DAPK2: variants seen among roughly 807,000 people sequenced by gnomAD.
The protein encoded by DAPK2 is death associated protein kinase 2.
DAPK2 carries 35 observed loss-of-function variants against 44.1 expected under a neutral mutation model. The ratio of observed to expected loss-of-function variants is 0.79; its 90% CI spans 0.61 to 1.05. DAPK2 has a LOEUF of 1.05. Among genes scored for constraint, DAPK2 ranks in the 50% least tolerant of loss-of-function variants. The pLI, the probability that DAPK2 is intolerant of heterozygous loss-of-function variation, is 0.00. For synonymous variants in DAPK2, 174 were observed against 182.6 expected (o/e 0.95, Z 0.38); for missense variants, 453 against 483.2 (o/e 0.94, Z 0.59).
intron 3 of DAPK2, among the ~76,000 whole-genome samples, chr15:63,961,419 TG>T (rs772382013): frequency 1.3e-5 from 2 of 152,260 alleles, no homozygotes; most frequent in Non-Finnish European, 2.9e-5. Flanking sequence ...CATTAGTTGA[TG>T]CAGTTTCTTC....
At chr15:63,925,037 G>C (rs1353806835) in intron 7 of DAPK2, among the ~76,000 whole-genome samples, 176 bp from the exon 9 acceptor site, 1 of 152,188 alleles carries the variant, frequency 6.6e-6, no homozygotes, top group Non-Finnish European at 1.5e-5. Flanking sequence ...TGCACTCCAG[G>C]GGAAGGAAGC....
At chr15:63,955,404 A>G (rs1457043572) in intron 3 of DAPK2, among the ~76,000 whole-genome samples, 3 of 152,136 alleles carry the variant, frequency 2.0e-5, no homozygotes, top group Admixed American at 6.5e-5. Flanking sequence ...CTCTGTTGGT[A>G]TAATGCATCA....
At chr15:63,946,051 G>A (rs1037763871) in intron 3 of DAPK2, among the ~76,000 whole-genome samples, 6 of 152,220 alleles carry the variant, frequency 3.9e-5, no homozygotes, top group African/African-American at 1.2e-4. Context: ...TCCAAAGCAC[G>A]GCTGGAGGGA....
rs996000313 is a variant in DAPK2 at position 63,908,491 on chromosome 15, T to A, written c.*29A>T. The A allele has an allele frequency of 6.6e-7, 1 of 1,519,022 alleles. No homozygotes were observed. Among genetic ancestry groups the A allele is most frequent in the African/African-American group, 1.4e-5 (1 of 72,480 alleles). 94.1% of individuals were successfully genotyped at this position (1,519,022 alleles called of 1,614,324 possible). A position where few individuals can be genotyped will look rare whatever the true frequency, so the allele number is the denominator to read the frequency against. ...AAGGGAGCCCCGCTGGGCCCAGACCTCCCTGGCGGCCACTGCAGGTCAGGC... is the reference window on the plus strand; with the variant it reads ...AAGGGAGCCCCGCTGGGCCCAGACCACCCTGGCGGCCACTGCAGGTCAGGC... On this transcript the variant is annotated 3_prime_UTR_variant, in exon 11 of 11. Coordinates refer to ENST00000261891, the Ensembl canonical transcript of DAPK2. This position sits in a 1 kb window ranked among gnomAD's most constrained non-coding sequence, Gnocchi z 5.7.
rs78755832 is a variant in DAPK2, at chr15:63,946,334, G to T, written c.454-6973C>A. ...GTCTGAGCAGGATGAAGACACCCTT[G>T]GGGGGCTATGTCATAAAGTACAAAA... On this transcript the variant is annotated intron_variant, in intron 3 of 10. Transcript: ENST00000261891. Among the ~76,000 whole-genome samples the T allele has an allele frequency of 5.9e-3, 901 of 152,362 alleles. 10 individuals carry two copies. Among genetic ancestry groups the T allele is most frequent in the African/African-American group, 0.02 (838 of 41,588 alleles).
chr15:63,940,649 T>G (rs1595762151), intron 3 of DAPK2, among the ~76,000 whole-genome samples: 1 of 151,918 alleles, frequency 6.6e-6, no homozygotes, highest in South Asian at 2.1e-4. Context: ...GAGGTGGAGG[T>G]TGCAGTGAAC....
At position 63,944,989 on chromosome 15, in the gene DAPK2, GA is replaced by G. The variant is rs372351769; in HGVS notation, c.454-5629del. 1.3e-4 allele frequency among the ~76,000 whole-genome samples: 20 copies of G among 152,228 alleles called. No individual in the cohort carries two copies. The East Asian group carries it at 3.7e-3, about 28-fold the overall frequency. ...CCTGTCCTACTCCTCTTCATTTTCA[GA>G]GCCTCTTCCCCCTCAACCCTGCCTC... On this transcript the variant is annotated intron_variant, in intron 3 of 10. Transcript: ENST00000261891.
chr15:64,031,140 T>C (rs1440179900), intron 1 of DAPK2, among the ~76,000 whole-genome samples: 7 of 152,160 alleles, frequency 4.6e-5, no homozygotes, highest in Non-Finnish European at 7.4e-5. Context: ...CTGAGCCTCA[T>C]TGTCCTCACC....
At chr15:63,998,916 C>A (rs1386916087) in intron 1 of DAPK2, among the ~76,000 whole-genome samples, 1 of 152,204 alleles carries the variant, frequency 6.6e-6, no homozygotes, top group Admixed American at 6.5e-5. Context: ...CACGGAAGAA[C>A]CACCAAATAT....
intron 1 of DAPK2, among the ~76,000 whole-genome samples, chr15:63,986,326 G>A (rs943628568): frequency 3.9e-5 from 6 of 152,186 alleles, no homozygotes; most frequent in Non-Finnish European, 8.8e-5. Context: ...GTTGGCCCGT[G>A]GTACTCAAAA....
intron 1 of DAPK2, among the ~76,000 whole-genome samples, chr15:63,991,612 G>A (rs2078822124): frequency 6.6e-6 from 1 of 152,120 alleles, no homozygotes; most frequent in Non-Finnish European, 1.5e-5. Flanking sequence ...CCCCACCCAT[G>A]AGGCCTAAAG....
intron 1 of DAPK2, chr15:64,030,044 C>G (rs984852906): frequency 6.6e-6 from 1 of 152,458 alleles, no homozygotes; most frequent in African/African-American, 2.4e-5. Context: ...AATCCCAGCA[C>G]TTTGGGAGGC....
intron 3 of DAPK2, chr15:63,942,308 T>A: frequency 3.1e-6 from 3 of 965,616 alleles, no homozygotes; most frequent in Non-Finnish European, 3.7e-6. Flanking sequence ...CCTAGCACTT[T>A]GGGAGGCCAA....
chr15:63,930,566 G>T (rs2079514684), intron 4 of DAPK2, 111 bp from the exon 6 acceptor site: 1 of 983,140 alleles, frequency 1.0e-6, no homozygotes, highest in South Asian at 1.4e-5. Flanking sequence ...GAATCTCCAG[G>T]AAAATTAGAG....
At position 64,046,090 on chromosome 15, in the gene DAPK2, C is replaced by A. The variant is rs556639749; in HGVS notation, c.-7+208G>T. ...GGTCAAAGTGCCAGGCTCCGGAGGG[C>A]GCCCCAGGGCAGCGGCGGGCAGCTC... On this transcript the variant is annotated intron_variant, in intron 1 of 11. Coordinates refer to the DAPK2 transcript ENST00000457488. The surrounding 1 kb of genome is among the most constrained non-coding windows in gnomAD (Gnocchi z 5.3). 1.1e-3 allele frequency among the ~76,000 whole-genome samples: 165 copies of A among 152,292 alleles called. 2 individuals are homozygous for A. The South Asian group carries it at 0.027, about 25-fold the overall frequency.
intron 1 of DAPK2, among the ~76,000 whole-genome samples, chr15:63,985,765 A>T (rs2078652534): frequency 6.6e-6 from 1 of 152,216 alleles, no homozygotes; most frequent in South Asian, 2.1e-4. Flanking sequence ...CTAGAGCTAA[A>T]CATTTCAGGC....
At chr15:63,982,550 C>T (rs538168273) in intron 2 of DAPK2, among the ~76,000 whole-genome samples, 20 of 152,276 alleles carry the variant, frequency 1.3e-4, no homozygotes, top group African/African-American at 4.3e-4. Flanking sequence ...TTGTCCACAA[C>T]CCAACTCAAA....
chr15:64,004,197 T>C (rs1427231805), intron 1 of DAPK2, among the ~76,000 whole-genome samples: 1 of 152,206 alleles, frequency 6.6e-6, no homozygotes, highest in Non-Finnish European at 1.5e-5. Flanking sequence ...CATTTCTCAC[T>C]GTCTGGATTT....
chr15:63,933,136 C>T (rs1273086014), intron 4 of DAPK2, among the ~76,000 whole-genome samples: 1 of 152,182 alleles, frequency 6.6e-6, no homozygotes, highest in Non-Finnish European at 1.5e-5. Context: ...GTCACTGGTC[C>T]AACAAGATAG....
Sources: gnomAD v4.1 joint callset for allele counts (sites outside exome capture counted in the v4.1 genomes callset) on GRCh38, gnomAD v4.1.1 for gene constraint, Gnocchi (gnomAD v3.1) non-coding constraint, MANE v1.5 for transcripts, NCBI Gene and HGNC (gene_info 2026-07-23, HGNC 2026-07-21) for gene names.